COG5: variants seen among roughly 807,000 people sequenced by gnomAD.
COG5 encodes component of oligomeric golgi complex 5.
In COG5, 86 loss-of-function variants were observed where a neutral mutation model predicts 110.4. That is an observed-to-expected ratio of 0.78 (90% CI 0.65 to 0.93). COG5 has a LOEUF of 0.93. Ranked by LOEUF, COG5 falls within the 40% of genes least tolerant of loss-of-function variation. COG5 has a pLI of 0.00. For missense variants in COG5, 1,077 were observed against 987.0 expected (o/e 1.09, Z -1.22); for synonymous variants, 360 against 334.6 (o/e 1.08, Z -0.83).
intron 5 of COG5, among the ~76,000 whole-genome samples, chr7:107,538,575 A>C (rs1456505886): frequency 2.0e-5 from 3 of 152,196 alleles, no homozygotes; most frequent in Admixed American, 6.5e-5. Flanking sequence ...CAACGATGCC[A>C]CTTCAATAAG....
intron 6 of COG5, among the ~76,000 whole-genome samples, chr7:107,505,485 C>T (rs1798927586): frequency 1.3e-5 from 2 of 152,180 alleles, no homozygotes; most frequent in South Asian, 4.1e-4. Flanking sequence ...TGTGGGGATG[C>T]AGTCACCCTG....
Position 107,331,024 on chromosome 7 carries a change from C to T in COG5, c.1027-6503G>A, listed in dbSNP as rs560304285. ...GAGATGTGAAAAAGTGTTTTCTATC[C>T]TCTGAATAAAAAGTGAGCATTCAGC... On this transcript the variant is annotated intron_variant, in intron 10 of 21. Transcript: ENST00000297135. Among the ~76,000 whole-genome samples the T allele has an allele frequency of 3.3e-5, 5 of 152,072 alleles. No individual in the cohort carries two copies. In the South Asian group the frequency reaches 1.0e-3, roughly 32 times the overall value.
chr7:107,241,391 T>C (rs1801610044), intron 17 of COG5, among the ~76,000 whole-genome samples: 1 of 146,276 alleles, frequency 6.8e-6, no homozygotes, highest in African/African-American at 2.6e-5. Context: ...CCTTCTGTGC[T>C]TCATATATAT....
intron 3 of COG5, 45 bp from the exon 4 acceptor site, chr7:107,548,377 A>G: frequency 2.0e-6 from 3 of 1,531,432 alleles, no homozygotes; most frequent in Non-Finnish European, 2.7e-6. Context: ...TTTACAGGGC[A>G]TCCAACTGGG....
intron 6 of COG5, among the ~76,000 whole-genome samples, chr7:107,466,254 T>G (rs1306214151): frequency 6.6e-6 from 1 of 152,066 alleles, no homozygotes; most frequent in Non-Finnish European, 1.5e-5. Context: ...AGCCCCAAAG[T>G]AGACATGCCA....
At chr7:107,414,243 G>A (rs185990638) in intron 6 of COG5, among the ~76,000 whole-genome samples, 6 of 152,140 alleles carry the variant, frequency 3.9e-5, no homozygotes, top group African/African-American at 9.6e-5. Context: ...CTCACATCTT[G>A]ACAATTAAAC....
At chr7:107,213,134 G>T (rs1270257954) in intron 19 of COG5, among the ~76,000 whole-genome samples, 2 of 152,118 alleles carry the variant, frequency 1.3e-5, no homozygotes, top group Non-Finnish European at 2.9e-5. Flanking sequence ...TGATCAGAGA[G>T]ATCAGCTAAT....
intron 6 of COG5, among the ~76,000 whole-genome samples, chr7:107,492,387 A>C (rs1036395864): frequency 2.0e-5 from 3 of 152,130 alleles, no homozygotes; most frequent in African/African-American, 7.2e-5. Flanking sequence ...AAAAAGCACA[A>C]ATTTGTTACC....
chr7:107,425,031 A>T (rs1280899267), intron 6 of COG5, among the ~76,000 whole-genome samples: 1 of 152,184 alleles, frequency 6.6e-6, no homozygotes, highest in Non-Finnish European at 1.5e-5. Context: ...GTGCACAATG[A>T]ACATCCAAAA....
chr7:107,251,676 G>A (rs1450649457), intron 16 of COG5, among the ~76,000 whole-genome samples: 2 of 152,050 alleles, frequency 1.3e-5, no homozygotes, highest in Non-Finnish European at 2.9e-5. Context: ...ACTGAATGAA[G>A]ATACAAGTAT....
At chr7:107,388,867 C>T (rs1002509386) in intron 7 of COG5, among the ~76,000 whole-genome samples, 3 of 152,198 alleles carry the variant, frequency 2.0e-5, no homozygotes, top group African/African-American at 7.2e-5. Context: ...ACTGACCCTA[C>T]AGGACCCGCA....
chr7:107,284,908 A>G (rs4730229), intron 12 of COG5, among the ~76,000 whole-genome samples: 23,779 of 152,128 alleles, frequency 0.16, 2,325 homozygotes, highest in Non-Finnish European at 0.22. Flanking sequence ...TTCATCTAAA[A>G]AGTTAACCTT....
rs116657686 is a variant in COG5 at position 107,377,625 on chromosome 7, A to T, written c.670-4865T>A. 5.5e-3 allele frequency among the ~76,000 whole-genome samples: 831 copies of T among 152,330 alleles called. 9 individuals are homozygous for T. Among genetic ancestry groups the T allele is most frequent in the African/African-American group, 0.019 (809 of 41,572 alleles). On this transcript the variant is annotated intron_variant, in intron 7 of 21. Transcript: ENST00000297135. ...TAGATCAGCATCCAAACTCTACCAC[A>T]TAGCAGTCAAAACCTAAAGGCAAAT...
chr7:107,212,618 C>G (rs973212959), intron 19 of COG5, among the ~76,000 whole-genome samples: 1 of 152,172 alleles, frequency 6.6e-6, no homozygotes, highest in Admixed American at 6.5e-5. Flanking sequence ...GTGTGTCAGG[C>G]ACAGTTTAAA....
intron 19 of COG5, among the ~76,000 whole-genome samples, chr7:107,229,601 C>T (rs1800618464): frequency 6.6e-6 from 1 of 152,106 alleles, no homozygotes; most frequent in Non-Finnish European, 1.5e-5. Context: ...ATTCAACGTT[C>T]CTTAAAATCT....
At chr7:107,557,542 A>G (rs1584964748) in intron 2 of COG5, among the ~76,000 whole-genome samples, 1 of 152,346 alleles carries the variant, frequency 6.6e-6, no homozygotes, top group East Asian at 1.9e-4. Context: ...AACATCTCAT[A>G]TTGTATCCTA....
At chr7:107,509,741 A>T (rs2129142978) in intron 6 of COG5, among the ~76,000 whole-genome samples, 1 of 152,330 alleles carries the variant, frequency 6.6e-6, no homozygotes. Context: ...GGGGACCAAT[A>T]TTCAACATTC....
intron 17 of COG5, among the ~76,000 whole-genome samples, chr7:107,243,377 G>C (rs113477322): frequency 0.027 from 4,036 of 152,106 alleles, 183 homozygotes; most frequent in African/African-American, 0.09. Context: ...GCCGGGTGCG[G>C]TGGCGGGTGC....
chr7:107,295,003 C>G (rs1318438118), intron 12 of COG5, among the ~76,000 whole-genome samples: 1 of 84,950 alleles, frequency 1.2e-5, no homozygotes, highest in African/African-American at 4.3e-5. Context: ...ATATACACAT[C>G]TATATATACA....
Sources: allele counts gnomAD v4.1 joint callset (sites outside exome capture counted in the v4.1 genomes callset), GRCh38; gene constraint gnomAD v4.1.1; transcripts MANE v1.5; gene names NCBI Gene and HGNC (gene_info 2026-07-23, HGNC 2026-07-21).